Variants in C17orf75 observed in about 807,000 individuals in gnomAD.
The protein encoded by C17orf75 is protein Njmu-R1.
A neutral mutation model predicts 49.6 loss-of-function variants in C17orf75; 32 were observed. The observed-to-expected ratio is 0.65, with a 90% confidence interval of 0.49 to 0.87. C17orf75 has a LOEUF of 0.87. C17orf75 is among the 40% of genes least tolerant of loss of function. C17orf75 has a pLI of 0.00. For missense variants in C17orf75, 428 were observed against 473.9 expected (o/e 0.90, Z 0.90); for synonymous variants, 158 against 159.5 (o/e 0.99, Z 0.07).
intron 1 of C17orf75, among the ~76,000 whole-genome samples, chr17:32,347,579 C>A (rs1251421704): frequency 1.3e-5 from 2 of 152,032 alleles, no homozygotes; most frequent in Non-Finnish European, 2.9e-5. Context: ...ACCACCACAC[C>A]CACTGAATTA....
upstream of C17orf75, among the ~76,000 whole-genome samples, chr17:32,346,510 C>T (rs150373451): frequency 2.0e-5 from 3 of 152,344 alleles, no homozygotes; most frequent in East Asian, 5.8e-4. Context: ...CCTCAGCCTC[C>T]CAAGGTACTG....
intron 5 of C17orf75, among the ~76,000 whole-genome samples, chr17:32,336,982 C>T (rs551583324): frequency 6.6e-6 from 1 of 152,112 alleles, no homozygotes; most frequent in Non-Finnish European, 1.5e-5. Context: ...GGCAAAACCC[C>T]ACCTCTACCA....
chr17:32,345,478 G>C (rs2041418498), upstream of C17orf75, among the ~76,000 whole-genome samples: 1 of 151,732 alleles, frequency 6.6e-6, no homozygotes, highest in African/African-American at 2.4e-5. Context: ...TCCATCTCAG[G>C]GGGGAAAAAA....
At chr17:32,335,741 A>C (rs1272061618) in intron 5 of C17orf75, among the ~76,000 whole-genome samples, 3 of 152,204 alleles carry the variant, frequency 2.0e-5, no homozygotes. Context: ...GGGCACTCAC[A>C]AGTCCCTCTC....
At chr17:32,333,562 CA>C in intron 8 of C17orf75, 42 bp from the exon 9 acceptor site, 1 of 1,499,202 alleles carries the variant, frequency 6.7e-7, no homozygotes. Context: ...TGAAATTTTA[CA>C]AAGCTTTATT....
chr17:32,344,043 G>T, upstream of C17orf75: 1 of 668,614 alleles, frequency 1.5e-6, no homozygotes. Flanking sequence ...CATTGTACTT[G>T]AATAGCCGAC....
Position 32,330,161 on chromosome 17 carries a change from T to C in C17orf75, c.*1602A>G, listed in dbSNP as rs2063609584. ...CCCAGCCACTCTCACTTTAATACTA[T>C]GAAAAATGCTACTTAGATTTTTTTC... is the stretch of plus-strand genomic sequence containing the variant. On this transcript the variant is annotated 3_prime_UTR_variant, in exon 10 of 10. Coordinates refer to ENST00000577809, the MANE Select transcript of C17orf75 (RefSeq NM_022344.4). 6.6e-6 allele frequency: 1 copy of C among 152,236 alleles called. No homozygotes were observed. Among genetic ancestry groups the C allele is most frequent in the South Asian group, 2.1e-4 (1 of 4,834 alleles). 9.4% of individuals were successfully genotyped at this position (152,236 alleles called of 1,614,324 possible).
At chr17:32,345,269 A>T (rs2041416704), upstream of C17orf75, among the ~76,000 whole-genome samples, 1 of 151,632 alleles carries the variant, frequency 6.6e-6, no homozygotes, top group South Asian at 2.1e-4. Flanking sequence ...CAAGGTCAGG[A>T]GTTCGAGACC....
rs1415927180 is a variant in C17orf75 at position 32,329,069 on chromosome 17, CT to C, written c.*2693del. 1,325 of 142,848 alleles carry C rather than the reference CT, an allele frequency of 9.3e-3. 9 individuals carry two copies. Among genetic ancestry groups the C allele is most frequent in the African/African-American group, 0.025 (986 of 39,318 alleles). 8.8% of individuals were successfully genotyped at this position (142,848 alleles called of 1,614,324 possible). A position where few individuals can be genotyped will look rare whatever the true frequency, so the allele number is the denominator to read the frequency against. On this transcript the variant is annotated 3_prime_UTR_variant, in exon 10 of 10. Transcript: ENST00000577809. Reference sequence around the variant, plus strand: ...CAGTAGTGATACAGAGTTTGTCAGACTTTTTTTTTTTTTTTGAGACGGAGTC... The same window carrying C: ...CAGTAGTGATACAGAGTTTGTCAGACTTTTTTTTTTTTTTGAGACGGAGTC...
upstream of C17orf75, chr17:32,342,316 T>C (rs1478817598): frequency 9.3e-7 from 1 of 1,073,186 alleles, no homozygotes; most frequent in Non-Finnish European, 1.2e-6. Flanking sequence ...CCACAGGGGC[T>C]GACAGGCGTA....
Position 32,331,708 on chromosome 17 carries a change from A to C in C17orf75, c.*55T>G. 2.1e-6 allele frequency: 3 copies of C among 1,408,578 alleles called. No homozygotes were observed. Among genetic ancestry groups the C allele is most frequent in the Non-Finnish European group, 3.0e-6 (3 of 1,000,940 alleles). The allele number at this position is 1,408,578 out of a possible 1,614,324, so 87.3% of individuals were successfully genotyped here. On this transcript the variant is annotated 3_prime_UTR_variant, in exon 10 of 10. Transcript: ENST00000577809. Reference sequence around the variant, plus strand: ...TATGAACAATTATAACTGCAATTTCAAACACTAAGACTTAAATATACAACT... The same window carrying C: ...TATGAACAATTATAACTGCAATTTCCAACACTAAGACTTAAATATACAACT...
At position 32,349,407 on chromosome 17, in the gene C17orf75, C is replaced by A. The variant is rs1013550585; in HGVS notation, c.-7+535G>T. Among the ~76,000 whole-genome samples the A allele has an allele frequency of 3.3e-5, 5 of 151,992 alleles. No individual in the cohort carries two copies. In the South Asian group the frequency reaches 1.0e-3, roughly 32 times the overall value. The stretch of plus-strand genomic sequence containing the variant: ...GACCAGCCTCGCTAACATGGTGAAA[C>A]CCCATTCTACTAAAAATACAAAAAT... On this transcript the variant is annotated intron_variant, in intron 1 of 8. Coordinates refer to the C17orf75 transcript ENST00000583774.
At chr17:32,332,244 G>A (rs939586881) in intron 9 of C17orf75, among the ~76,000 whole-genome samples, 1 of 152,088 alleles carries the variant, frequency 6.6e-6, no homozygotes, top group African/African-American at 2.4e-5. Flanking sequence ...CTGGGTTCAA[G>A]TGATTCTCCT....
Position 32,329,822 on chromosome 17 carries a change from ATTGCTGGTT to A in C17orf75, c.*1932_*1940del, listed in dbSNP as rs1285646770. On this transcript the variant is annotated 3_prime_UTR_variant, in exon 10 of 10. Transcript: ENST00000577809. ...TCAGATTCAAGGACAGTGTCATAAAATTGCTGGTTTTCCTTAGTCACCCTGACTTTATTT... is the reference window on the plus strand; with the variant it reads ...TCAGATTCAAGGACAGTGTCATAAAATTCCTTAGTCACCCTGACTTTATTT... 1.3e-5 allele frequency: 2 copies of A among 152,154 alleles called. No homozygotes were observed. The highest frequency in any genetic ancestry group is 2.9e-5 in the Non-Finnish European group (2 of 68,020). The allele number at this position is 152,154 out of a possible 1,614,324, so 9.4% of individuals were successfully genotyped here.
chr17:32,336,535 A>C (rs2041327532), intron 5 of C17orf75, among the ~76,000 whole-genome samples: 1 of 152,212 alleles, frequency 6.6e-6, no homozygotes, highest in South Asian at 2.1e-4. Flanking sequence ...GGTTTGAATA[A>C]GTTGATATGG....
chr17:32,346,083 G>T (rs575784832), upstream of C17orf75, among the ~76,000 whole-genome samples: 1 of 151,886 alleles, frequency 6.6e-6, no homozygotes, highest in African/African-American at 2.4e-5. Flanking sequence ...ATCCATGGCC[G>T]CATGGATCAT....
upstream of C17orf75, chr17:32,342,199 C>A: frequency 1.4e-6 from 2 of 1,451,466 alleles, no homozygotes; most frequent in Non-Finnish European, 1.8e-6. Context: ...TCCCGTGCAG[C>A]CGTCGGTATC....
chr17:32,349,303 T>C (rs895025531), intron 1 of C17orf75, among the ~76,000 whole-genome samples: 6 of 151,864 alleles, frequency 4.0e-5, no homozygotes, highest in African/African-American at 1.5e-4. Flanking sequence ...CTTTCTTATG[T>C]CGGGCGCAGC....
Position 32,331,649 on chromosome 17 carries a change from G to T in C17orf75, c.*114C>A. 1.2e-6 allele frequency: 1 copy of T among 843,286 alleles called. No homozygotes were observed. The highest frequency in any genetic ancestry group is 1.8e-6 in the Non-Finnish European group (1 of 543,244). 52.2% of individuals were successfully genotyped at this position (843,286 alleles called of 1,614,324 possible). The stretch of plus-strand genomic sequence containing the variant: ...TTGGTAAAATACAAAAAGAAAATCT[G>T]GATTGAGTTTCAAATCATCTTAAAT... On this transcript the variant is annotated 3_prime_UTR_variant, in exon 10 of 10. Transcript: ENST00000577809.
Sources: gnomAD v4.1 joint callset for allele counts (sites outside exome capture counted in the v4.1 genomes callset) on GRCh38, gnomAD v4.1.1 for gene constraint, MANE v1.5 for transcripts, NCBI Gene and HGNC (gene_info 2026-07-23, HGNC 2026-07-21) for gene names.